ZNF765: variants seen among roughly 807,000 people sequenced by gnomAD.
The protein encoded by ZNF765 is zinc finger protein 765.
A neutral mutation model predicts 44.7 loss-of-function variants in ZNF765; 37 were observed. The observed-to-expected ratio is 0.83, with a 90% confidence interval of 0.64 to 1.09. ZNF765 has a LOEUF of 1.09. Among genes scored for constraint, ZNF765 ranks in the 50% least tolerant of loss-of-function variants. The probability of loss-of-function intolerance (pLI) is 0.00; values close to 1 mark genes in which losing one functional copy is unlikely to be tolerated. For missense variants in ZNF765, 594 were observed against 626.1 expected, an observed-to-expected ratio of 0.95 and a Z score of 0.55; for synonymous variants, 201 against 213.7, an observed-to-expected ratio of 0.94 and a Z score of 0.52.
At position 53,402,047 on chromosome 19, in the gene ZNF765, A is replaced by G; in HGVS notation, c.16-18A>G. ...ACTCCTCCCATAACCATTTGGTTAA[A>G]ATGTGTTTTCATTTCAGGGTCTATT... On this transcript the variant is annotated intron_variant, in intron 2 of 3. Coordinates refer to ENST00000396408, the MANE Select transcript of ZNF765 (RefSeq NM_001040185.3). 1 of 1,613,806 alleles carries G rather than the reference A, an allele frequency of 6.2e-7. No homozygotes were observed. The highest frequency in any genetic ancestry group is 8.5e-7 in the Non-Finnish European group (1 of 1,179,928).
At chr19:53,423,804 T>C (rs1170558693) in exon 4 of ZNF765, 1 of 160,400 alleles carries the variant, frequency 6.2e-6, no homozygotes, top group African/African-American at 2.4e-5. Flanking sequence ...AAACGAGGCT[T>C]GTTAGTGCTG....
intron 2 of ZNF765, among the ~76,000 whole-genome samples, chr19:53,398,729 C>T (rs1262031890): frequency 1.3e-5 from 2 of 152,102 alleles, no homozygotes; most frequent in East Asian, 3.9e-4. Context: ...TTTTTATTAT[C>T]AGTACTATTA....
At chr19:53,404,470 T>G (rs1465593679) in intron 3 of ZNF765, among the ~76,000 whole-genome samples, 3 of 152,056 alleles carry the variant, frequency 2.0e-5, no homozygotes, top group Non-Finnish European at 4.4e-5. Flanking sequence ...TTTTTCTTTT[T>G]AAGACGGAGT....
chr19:53,421,238 T>C (rs1301124521), intron 3 of ZNF765, among the ~76,000 whole-genome samples: 1 of 152,148 alleles, frequency 6.6e-6, no homozygotes, highest in Non-Finnish European at 1.5e-5. Context: ...GTTTTCCTGC[T>C]GACCCTCTCC....
intron 2 of ZNF765, among the ~76,000 whole-genome samples, chr19:53,399,847 T>C (rs1295704881): frequency 6.6e-6 from 1 of 152,138 alleles, no homozygotes; most frequent in African/African-American, 2.4e-5. Context: ...TGAGTTTTGC[T>C]CTTTTTGTCC....
At chr19:53,396,269 G>T (rs1020611570) in intron 1 of ZNF765, among the ~76,000 whole-genome samples, 1 of 151,958 alleles carries the variant, frequency 6.6e-6, no homozygotes, top group Admixed American at 6.6e-5. Context: ...AGGGAAGAGA[G>T]AATGTAACAG....
chr19:53,402,103 T>C lies in ZNF765; in HGVS notation c.54T>C (p.Ser18=). ...TCAGGGATGTGGCCATAGAATTCTCTCAGGAGGAGTGGAAATGCCTGGACC... is the reference window on the plus strand; with the variant it reads ...TCAGGGATGTGGCCATAGAATTCTCCCAGGAGGAGTGGAAATGCCTGGACC... ...LTFRDVAIEF[S]QEEWKCLDPA... The change falls in exon 3 of 4, where the codon TCT becomes TCC. Residue 18 remains serine (S), a synonymous_variant. Coordinates refer to ENST00000396408, the MANE Select transcript of ZNF765 (RefSeq NM_001040185.3). 6.2e-7 allele frequency: 1 copy of C among 1,614,064 alleles called. No homozygotes were observed. Among genetic ancestry groups the C allele is most frequent in the East Asian group, 2.2e-5 (1 of 44,870 alleles).
rs569080131 is a variant in ZNF765 at position 53,421,256 on chromosome 19, T to C, written c.143-1806T>C. On this transcript the variant is annotated intron_variant, in intron 3 of 3. Coordinates refer to the ZNF765 transcript ENST00000594030. ...TTCCTGCTGACCCTCTCCCCACTATTACCCTATTGTCCCGCCACATCCCCC... is the reference window on the plus strand; with the variant it reads ...TTCCTGCTGACCCTCTCCCCACTATCACCCTATTGTCCCGCCACATCCCCC... Among the ~76,000 whole-genome samples the C allele has an allele frequency of 2.0e-5, 3 of 152,226 alleles. No individual in the cohort carries two copies. In the East Asian group the frequency reaches 5.8e-4, roughly 29 times the overall value.
chr19:53,413,163 G>C (rs1333419930), downstream of ZNF765: 4 of 564,924 alleles, frequency 7.1e-6, no homozygotes, highest in Admixed American at 1.9e-5. Flanking sequence ...CTCCCCTTGT[G>C]GTGTGTACTT....
At position 53,409,608 on chromosome 19, in the gene ZNF765, A is replaced by G. The variant is rs2085814295; in HGVS notation, c.*481A>G. ...ACAAAGGAGAATTCATACTGGAGAG[A>G]AACCATACAAGTGTAATGAGTGTGG... is the stretch of plus-strand genomic sequence containing the variant. On this transcript the variant is annotated 3_prime_UTR_variant, in exon 4 of 4. Transcript: ENST00000396408. 4.1e-6 allele frequency: 6 copies of G among 1,465,194 alleles called. No individual in the cohort carries two copies. In the South Asian group the frequency reaches 6.8e-5, roughly 17 times the overall value. The allele number at this position is 1,465,194 out of a possible 1,614,324, so 90.8% of individuals were successfully genotyped here.
At chr19:53,395,980 G>A (rs1335732987) in intron 1 of ZNF765, among the ~76,000 whole-genome samples, 9 of 139,530 alleles carry the variant, frequency 6.5e-5, no homozygotes. Flanking sequence ...GGATTTGCCA[G>A]ACACAGCAAA....
chr19:53,403,841 CAA>C (rs57144770), intron 3 of ZNF765, among the ~76,000 whole-genome samples: 54 of 140,282 alleles, frequency 3.8e-4, no homozygotes, highest in Admixed American at 3.6e-4. Flanking sequence ...GACTCTGTCT[CAA>C]AAAAAAAAAA....
chr19:53,420,559 C>G (rs894693627), intron 3 of ZNF765, among the ~76,000 whole-genome samples: 2 of 152,094 alleles, frequency 1.3e-5, no homozygotes, highest in Non-Finnish European at 2.9e-5. Context: ...AGATCAGACT[C>G]TTACTGTGTC....
In ZNF765 at chr19:53,408,959, T is replaced by C. The variant is rs773660913; in HGVS notation, c.1404T>C (p.Cys468=). ...KIHTEENPYK[C]NECGKTFSRT... ...ATACTGAAGAGAATCCTTACAAGTG[T>C]AATGAGTGTGGCAAGACCTTCAGCC... The change falls in exon 4 of 4, where the codon TGT becomes TGC. Residue 468 remains cysteine, a synonymous_variant. Coordinates refer to ENST00000396408, the MANE Select transcript of ZNF765 (RefSeq NM_001040185.3). 75 of 1,603,956 alleles carry C rather than the reference T, an allele frequency of 4.7e-5. No homozygotes were observed. In the East Asian group the frequency reaches 1.6e-3, roughly 34 times the overall value.
At position 53,402,154 on chromosome 19, in the gene ZNF765, C is replaced by T. The variant is rs751397786; in HGVS notation, c.105C>T (p.Asp35=). The T allele has an allele frequency of 2.0e-5, 32 of 1,613,310 alleles. No individual in the cohort carries two copies. Among genetic ancestry groups the T allele is most frequent in the South Asian group, 3.3e-5 (3 of 91,042 alleles). The part of the protein sequence containing the change: ...LDPAQRTLYR[D]VMLENYRNLV... ...CTGCTCAGAGGACTCTATACAGGGA[C>T]GTGATGCTGGAGAATTATAGGAACC... is the stretch of plus-strand genomic sequence containing the variant. The change falls in exon 3 of 4, where the codon GAC becomes GAT. Residue 35 remains aspartate (D), a synonymous_variant. Coordinates refer to ENST00000396408, the MANE Select transcript of ZNF765 (RefSeq NM_001040185.3).
intron 2 of ZNF765, among the ~76,000 whole-genome samples, chr19:53,398,875 G>A (rs763684047): frequency 1.1e-4 from 17 of 151,930 alleles, no homozygotes; most frequent in Non-Finnish European, 1.9e-4. Context: ...TCAGCCTCCC[G>A]AGTAGCTGGG....
downstream of ZNF765, among the ~76,000 whole-genome samples, chr19:53,414,638 G>C (rs71363336): frequency 4.6e-5 from 7 of 151,688 alleles, 1 homozygote; most frequent in African/African-American, 1.7e-4. Flanking sequence ...CAGGGGCCTA[G>C]AGAAGGCAGT....
Position 53,402,161 on chromosome 19 carries a change from C to G in ZNF765, c.112C>G (p.Leu38Val). Residue 38 changes from leucine to valine, a missense_variant, in exon 3 of 4, where the codon CTG becomes GTG. Leu to Val is a conservative substitution (Grantham distance 32). Coordinates refer to ENST00000396408, the MANE Select transcript of ZNF765 (RefSeq NM_001040185.3). ...GAGGACTCTATACAGGGACGTGATG[C>G]TGGAGAATTATAGGAACCTGGTCTC... ...AQRTLYRDVM[L>V]ENYRNLVSLD... The G allele has an allele frequency of 6.2e-7, 1 of 1,613,556 alleles. No individual in the cohort carries two copies. Among genetic ancestry groups the G allele is most frequent in the Non-Finnish European group, 8.5e-7 (1 of 1,179,894 alleles).
chr19:53,424,357 C>G (rs1350214782), exon 4 of ZNF765: 1 of 151,556 alleles, frequency 6.6e-6, no homozygotes, highest in Non-Finnish European at 1.5e-5. Context: ...GCCTGTAATC[C>G]GAGCTACTTG....
Sources: allele counts gnomAD v4.1 joint callset (sites outside exome capture counted in the v4.1 genomes callset), GRCh38; gene constraint gnomAD v4.1.1; transcripts MANE v1.5; gene names NCBI Gene and HGNC (gene_info 2026-07-23, HGNC 2026-07-21).